The following FAM53B variants were observed in gnomAD, a reference collection of about 807,000 sequenced individuals.
The protein encoded by FAM53B is family with sequence similarity 53 member B.
Under a neutral mutation model 32.7 loss-of-function variants are expected in FAM53B, and 12 were observed. The ratio of observed to expected loss-of-function variants is 0.37; its 90% CI spans 0.24 to 0.59. The LOEUF is 0.59. Ranked by LOEUF, FAM53B falls within the 20% of genes least tolerant of loss-of-function variation. The pLI is 0.72. For synonymous variants in FAM53B, 234 were observed against 228.7 expected (o/e 1.02, Z -0.21); for missense variants, 477 against 577.7 (o/e 0.83, Z 1.79).
chr10:124,728,115 G>A (rs751150081), intron 1 of FAM53B, among the ~76,000 whole-genome samples: 10 of 152,128 alleles, frequency 6.6e-5, no homozygotes, highest in East Asian at 1.9e-4. Flanking sequence ...GCTTGGCTTC[G>A]CGATCCAGTC....
intron 4 of FAM53B, among the ~76,000 whole-genome samples, chr10:124,658,130 G>A (rs1949606671): frequency 6.6e-6 from 1 of 152,258 alleles, no homozygotes; most frequent in African/African-American, 2.4e-5. Flanking sequence ...TCACCCAGCA[G>A]ACAGTCTGGG....
chr10:124,677,104 G>T (rs1949740714), intron 4 of FAM53B, among the ~76,000 whole-genome samples: 1 of 152,208 alleles, frequency 6.6e-6, no homozygotes, highest in Non-Finnish European at 1.5e-5. Context: ...CACCTAGGGG[G>T]ACTGCATTCA....
chr10:124,738,554 A>T, intron 1 of FAM53B, among the ~76,000 whole-genome samples: 1 of 151,864 alleles, frequency 6.6e-6, no homozygotes, highest in East Asian at 1.9e-4. Flanking sequence ...TTCTTCCTTC[A>T]AAACACACGC....
chr10:124,656,894 T>TG (rs1194725932), intron 4 of FAM53B, among the ~76,000 whole-genome samples: 1 of 142,336 alleles, frequency 7.0e-6, no homozygotes, highest in Non-Finnish European at 1.5e-5. Context: ...TGTTGTGGGG[T>TG]GGGGGGAGAG....
chr10:124,736,695 T>A (rs921850180), intron 1 of FAM53B, among the ~76,000 whole-genome samples: 3 of 152,056 alleles, frequency 2.0e-5, no homozygotes, highest in African/African-American at 7.2e-5. Flanking sequence ...CTCCACGGGG[T>A]GGGGGCAGGC....
intron 1 of FAM53B, among the ~76,000 whole-genome samples, chr10:124,727,333 G>T (rs1350972967): frequency 1.1e-3 from 33 of 28,918 alleles, no homozygotes; most frequent in African/African-American, 1.6e-3. Context: ...GTGATTGTGG[G>T]GGGGGGGGGG....
chr10:124,643,156 G>A (rs1420547169), intron 4 of FAM53B, among the ~76,000 whole-genome samples: 1 of 152,200 alleles, frequency 6.6e-6, no homozygotes, highest in Non-Finnish European at 1.5e-5. Context: ...GTCTGTCTCT[G>A]GAGAGAAACG....
intron 3 of FAM53B, among the ~76,000 whole-genome samples, chr10:124,691,528 G>A (rs1949832490): frequency 6.6e-6 from 1 of 152,110 alleles, no homozygotes. Flanking sequence ...CCATTGACTT[G>A]TATTTACAAG....
At chr10:124,646,265 G>T (rs901908296) in intron 4 of FAM53B, among the ~76,000 whole-genome samples, 1 of 152,212 alleles carries the variant, frequency 6.6e-6, no homozygotes, top group Admixed American at 6.5e-5. Flanking sequence ...AGTGCAGCTC[G>T]CTTTCTTTAG....
chr10:124,667,309 G>C, intron 4 of FAM53B: 1 of 675,338 alleles, frequency 1.5e-6, no homozygotes, highest in Non-Finnish European at 2.7e-6. Flanking sequence ...CTGGCTACTA[G>C]GAATTTTAAA....
At chr10:124,649,522 G>A (rs949041810) in intron 4 of FAM53B, among the ~76,000 whole-genome samples, 3 of 152,196 alleles carry the variant, frequency 2.0e-5, no homozygotes, top group African/African-American at 7.2e-5. Flanking sequence ...TCTGCCCTCC[G>A]TCGCATAACA....
chr10:124,691,815 AG>A, intron 3 of FAM53B, among the ~76,000 whole-genome samples: 1 of 152,098 alleles, frequency 6.6e-6, no homozygotes, highest in East Asian at 1.9e-4. Flanking sequence ...ATGTGGAGGG[AG>A]CCTTGACTGA....
chr10:124,698,405 C>T (rs966967132), intron 2 of FAM53B, among the ~76,000 whole-genome samples: 17 of 152,260 alleles, frequency 1.1e-4, no homozygotes, highest in African/African-American at 4.1e-4. Flanking sequence ...CAGAACAGTG[C>T]TTGCTGGCCG....
chr10:124,632,255 C>T (rs1299401896), intron 4 of FAM53B, among the ~76,000 whole-genome samples: 1 of 152,250 alleles, frequency 6.6e-6, no homozygotes, highest in Non-Finnish European at 1.5e-5. Flanking sequence ...AAGGGCCTCC[C>T]GGTGCTCTCA....
intron 4 of FAM53B, among the ~76,000 whole-genome samples, chr10:124,670,233 C>G (rs543679147): frequency 9.3e-4 from 141 of 152,310 alleles, no homozygotes; most frequent in African/African-American, 3.3e-3. Context: ...ACACTGGGGC[C>G]CTGCCTAAGC....
At chr10:124,640,975 G>T (rs1433871831) in intron 4 of FAM53B, among the ~76,000 whole-genome samples, 1 of 152,244 alleles carries the variant, frequency 6.6e-6, no homozygotes, top group Non-Finnish European at 1.5e-5. Context: ...AAGGCTGTGG[G>T]TATTTTACTT....
intron 3 of FAM53B, among the ~76,000 whole-genome samples, chr10:124,693,135 A>C (rs1014323091): frequency 3.9e-5 from 6 of 152,196 alleles, no homozygotes; most frequent in Admixed American, 2.6e-4. Context: ...AACCCTCTTG[A>C]AAAGTCTAGC....
chr10:124,710,271 C>T (rs1343628701), intron 1 of FAM53B, among the ~76,000 whole-genome samples: 1 of 152,226 alleles, frequency 6.6e-6, no homozygotes, highest in African/African-American at 2.4e-5. Flanking sequence ...CTGCTTTGAT[C>T]TGTTGGGAGA....
chr10:124,675,881 G>A (rs560259525), intron 4 of FAM53B, among the ~76,000 whole-genome samples: 1 of 152,382 alleles, frequency 6.6e-6, no homozygotes, highest in East Asian at 1.9e-4. Flanking sequence ...CCTCAAGTGA[G>A]GGGATTAGAA....
Sources: allele counts gnomAD v4.1 joint callset (sites outside exome capture counted in the v4.1 genomes callset), GRCh38; gene constraint gnomAD v4.1.1; transcripts MANE v1.5; gene names NCBI Gene and HGNC (gene_info 2026-07-23, HGNC 2026-07-21).